SLC26A6: variants seen among roughly 807,000 people sequenced by gnomAD.
SLC26A6 encodes solute carrier family 26 member 6.
SLC26A6 carries 67 observed loss-of-function variants against 87.1 expected under a neutral mutation model. The ratio of observed to expected loss-of-function variants is 0.77; its 90% CI spans 0.63 to 0.94. The LOEUF (loss-of-function observed/expected upper bound fraction) is 0.94. SLC26A6 is among the 40% of genes least tolerant of loss of function. The pLI, the probability that SLC26A6 is intolerant of heterozygous loss-of-function variation, is 0.00. For synonymous variants in SLC26A6, 414 were observed against 405.9 expected, an observed-to-expected ratio of 1.02 and a Z score of -0.24; for missense variants, 902 against 973.0, an observed-to-expected ratio of 0.93 and a Z score of 0.97.
At chr3:48,627,322 C>T in intron 17 of SLC26A6, 1 of 466,888 alleles carries the variant, frequency 2.1e-6, no homozygotes, top group Non-Finnish European at 3.8e-6. Context: ...GAGTCCCTGT[C>T]CCATTCTCAT....
intron 3 of SLC26A6, 56 bp downstream of exon 3, chr3:48,633,195 G>T: frequency 1.3e-6 from 2 of 1,595,910 alleles, no homozygotes; most frequent in South Asian, 1.1e-5. Flanking sequence ...CATGGCCCCA[G>T]TTTTGGGCAT....
Position 48,633,019 on chromosome 3 carries a change from C to G in SLC26A6, c.388G>C (p.Val130Leu), listed in dbSNP as rs188585110. 1.2e-6 allele frequency: 2 copies of G among 1,613,718 alleles called. No homozygotes were observed. Reference protein sequence around the residue: ...VFGLYSSFYPVFIYFLFGTSR... With the variant: ...VFGLYSSFYPLFIYFLFGTSR... ...GTGCCAAACAGGAAGTAGATGAAGA[C>G]AGGGTAGAAGGAGCTATAGAGGCCA... The change falls in exon 4 of 21, where the codon GTC becomes CTC. Residue 130 changes from valine to leucine, a missense_variant. Val to Leu is a conservative substitution (Grantham distance 32). Coordinates refer to ENST00000395550, the MANE Select transcript of SLC26A6 (RefSeq NM_022911.3).
rs780047495 is a variant in SLC26A6, at chr3:48,633,477, T to C, written c.182A>G (p.Gln61Arg). The C allele has an allele frequency of 2.8e-5, 45 of 1,612,874 alleles. No homozygotes were observed. Among genetic ancestry groups the C allele is most frequent in the Non-Finnish European group, 3.8e-5 (45 of 1,179,916 alleles). The change falls in exon 2 of 21, where the codon CAG becomes CGG. Residue 61 changes from glutamine to arginine, a missense_variant and splice_region_variant. Transcript: ENST00000395550. The stretch of plus-strand genomic sequence containing the variant: ...CCCCAGGCCCCAATCTTGGCCTTAC[T>C]GCAACCAGGTCCGCCACTGGTGGGT... The part of the protein sequence containing the change: ...PRTHQWRTWL[Q>R]CSRARAYALL...
intron 1 of SLC26A6, chr3:48,634,614 A>C: frequency 1.6e-6 from 1 of 635,738 alleles, no homozygotes; most frequent in Non-Finnish European, 2.0e-6. Flanking sequence ...TCACAGAAGG[A>C]TCTTACCTGG....
Position 48,626,118 on chromosome 3 carries a change from G to A in SLC26A6, c.2265+100C>T, listed in dbSNP as rs1009156525. ...GAAAGCACTGGGCCCACTGGGGACA[G>A]AGCCATGGCCACCAGGAAAGACTCC... On this transcript the variant is annotated intron_variant, in intron 20 of 20. Coordinates refer to ENST00000395550, the MANE Select transcript of SLC26A6 (RefSeq NM_022911.3). The A allele has an allele frequency of 1.4e-5, 22 of 1,610,738 alleles. No homozygotes were observed. The Admixed American group carries it at 2.2e-4, about 16-fold the overall frequency.
At chr3:48,629,503 C>T in intron 14 of SLC26A6, 139 bp downstream of exon 14, 1 of 891,540 alleles carries the variant, frequency 1.1e-6, no homozygotes, top group South Asian at 1.6e-5. Context: ...GACCTAAACT[C>T]CTCCCTTGAA....
At chr3:48,633,211 AC>A in intron 3 of SLC26A6, 39 bp downstream of exon 3, 1 of 1,602,344 alleles carries the variant, frequency 6.2e-7, no homozygotes, top group Admixed American at 1.7e-5. Context: ...GGCATCACAG[AC>A]CACAGGGTTT....
Position 48,630,593 on chromosome 3 carries a change from C to T in SLC26A6, c.1248+14G>A, listed in dbSNP as rs1298683539. On this transcript the variant is annotated intron_variant, in intron 10 of 20. Coordinates refer to ENST00000395550, the MANE Select transcript of SLC26A6 (RefSeq NM_022911.3). ...ATGTGCATGCCCACACCCATGCCCA[C>T]ACCCAAAGCCCACCTGCGAGTTGCC... 2.6e-6 allele frequency: 4 copies of T among 1,568,142 alleles called. No homozygotes were observed. The highest frequency in any genetic ancestry group is 1.4e-5 in the African/African-American group (1 of 73,800).
intron 2 of SLC26A6, 24 bp from the exon 3 acceptor site, chr3:48,633,414 G>A (rs2046868488): frequency 1.2e-6 from 2 of 1,612,794 alleles, no homozygotes; most frequent in South Asian, 1.1e-5. Context: ...ATGAGGGGTA[G>A]GTGTCAGGAA....
chr3:48,627,885 A>T, intron 17 of SLC26A6, 61 bp downstream of exon 17: 2 of 1,488,394 alleles, frequency 1.3e-6, no homozygotes, highest in Non-Finnish European at 1.8e-6. Context: ...CTCATGAGAC[A>T]TGTGGATCCT....
intron 19 of SLC26A6, 24 bp from the exon 20 acceptor site, chr3:48,626,378 C>A: frequency 6.2e-7 from 1 of 1,613,778 alleles, no homozygotes; most frequent in South Asian, 1.1e-5. Flanking sequence ...GTAGGCCTCC[C>A]CTGACTCTCA....
chr3:48,628,123 G>T lies in SLC26A6; in HGVS notation c.1801-85C>A. ...CACATAGGCCTGGTGATGCCCCCTG[G>T]TGCTGGGCAGGTGGGTGGGCCAGGA... is the stretch of plus-strand genomic sequence containing the variant. On this transcript the variant is annotated intron_variant, in intron 16 of 20. Coordinates refer to ENST00000395550, the MANE Select transcript of SLC26A6 (RefSeq NM_022911.3). This position sits in a 1 kb window ranked among gnomAD's most constrained non-coding sequence, Gnocchi z 4.4. 1 of 1,313,814 alleles carries T rather than the reference G, an allele frequency of 7.6e-7. No individual in the cohort carries two copies. The highest frequency in any genetic ancestry group is 1.0e-6 in the Non-Finnish European group (1 of 955,720). The allele number at this position is 1,313,814 out of a possible 1,614,324, so 81.4% of individuals were successfully genotyped here.
At chr3:48,629,793 G>A in intron 13 of SLC26A6, 79 bp downstream of exon 13, 1 of 1,602,680 alleles carries the variant, frequency 6.2e-7, no homozygotes, top group Non-Finnish European at 8.5e-7. Context: ...GAAGTCCCCA[G>A]AGATGTGGGG....
At position 48,631,476 on chromosome 3, in the gene SLC26A6, T is replaced by G. The variant is rs1198012425; in HGVS notation, c.904-170A>C. ...CACCATTTCGGCTATGGGGAGATGC[T>G]GTCAGGGGCAGGAAGAAACCAACAT... On this transcript the variant is annotated intron_variant, in intron 7 of 20. Coordinates refer to ENST00000395550, the MANE Select transcript of SLC26A6 (RefSeq NM_022911.3). 5.5e-6 allele frequency: 6 copies of G among 1,097,736 alleles called. No individual in the cohort carries two copies. The Admixed American group carries it at 1.1e-4, about 21-fold the overall frequency. The allele number at this position is 1,097,736 out of a possible 1,614,324, so 68.0% of individuals were successfully genotyped here. A position where few individuals can be genotyped will look rare whatever the true frequency, so the allele number is the denominator to read the frequency against.
Position 48,630,464 on chromosome 3 carries a change from C to A in SLC26A6, c.1300G>T (p.Gly434Trp). The change falls in exon 11 of 21, where the codon GGG becomes TGG. Residue 434 changes from glycine (G) to tryptophan (W), a missense_variant. Gly to Trp is a radical substitution (Grantham distance 184). Coordinates refer to ENST00000395550, the MANE Select transcript of SLC26A6 (RefSeq NM_022911.3). ...LFILLIIVKL[G>W]ELFHDLPKAV... ...TTGGGCAGGTCATGGAAGAGTTCCC[C>A]AAGTTTGACAATGATGAGGAGGATG... is the stretch of plus-strand genomic sequence containing the variant. 6.4e-7 allele frequency: 1 copy of A among 1,559,628 alleles called. No individual in the cohort carries two copies. Among genetic ancestry groups the A allele is most frequent in the Admixed American group, 1.9e-5 (1 of 52,136 alleles).
chr3:48,629,585 G>C, intron 14 of SLC26A6, 57 bp downstream of exon 14: 3 of 1,527,618 alleles, frequency 2.0e-6, no homozygotes, highest in Non-Finnish European at 2.7e-6. Flanking sequence ...ATCCACAAAG[G>C]CTCATTCTTC....
At position 48,627,216 on chromosome 3, in the gene SLC26A6, TG is replaced by T. The variant is rs1013510725; in HGVS notation, c.1894-162del. On this transcript the variant is annotated intron_variant, in intron 17 of 20. Coordinates refer to ENST00000395550, the MANE Select transcript of SLC26A6 (RefSeq NM_022911.3). ...TCACATAGGTGTGCAAAGACAGGAA[TG>T]ACAGATGTGTGGGGACATGCAGGAG... The T allele has an allele frequency of 2.0e-5, 17 of 832,572 alleles. No homozygotes were observed. The African/African-American group carries it at 2.6e-4, about 13-fold the overall frequency. The allele number at this position is 832,572 out of a possible 1,614,324, so 51.6% of individuals were successfully genotyped here.
rs1018671320 is a variant in SLC26A6 at position 48,630,920 on chromosome 3, C to T, written c.1134+73G>A. 5.7e-6 allele frequency: 9 copies of T among 1,585,884 alleles called. 1 individual carries two copies. The African/African-American group carries it at 6.7e-5, about 12-fold the overall frequency. ...CATCTGCTGTCTCCCTGTGTCCCAC[C>T]GGTTCCTCCCCCACCCGTTGCTGGC... On this transcript the variant is annotated intron_variant, in intron 9 of 20. Coordinates refer to ENST00000395550, the MANE Select transcript of SLC26A6 (RefSeq NM_022911.3).
In SLC26A6 at chr3:48,628,198, C is replaced by T. The variant is rs2046679088; in HGVS notation, c.1801-160G>A. The stretch of plus-strand genomic sequence containing the variant: ...GCCAGGCTGAAGCTCCTGGAACAGC[C>T]GTGAAAGGGAAGAGGACTGTGACGG... On this transcript the variant is annotated intron_variant, in intron 16 of 20. Coordinates refer to ENST00000395550, the MANE Select transcript of SLC26A6 (RefSeq NM_022911.3). The surrounding 1 kb of genome is among the most constrained non-coding windows in gnomAD (Gnocchi z 4.4). 6 of 784,464 alleles carry T rather than the reference C, an allele frequency of 7.6e-6. No individual in the cohort carries two copies. The highest frequency in any genetic ancestry group is 3.6e-5 in the South Asian group (2 of 55,792). The allele number at this position is 784,464 out of a possible 1,614,324, so 48.6% of individuals were successfully genotyped here.
Sources: gnomAD v4.1 joint callset for allele counts on GRCh38, gnomAD v4.1.1 for gene constraint, Gnocchi (gnomAD v3.1) non-coding constraint, MANE v1.5 for transcripts, NCBI Gene and HGNC (gene_info 2026-07-23, HGNC 2026-07-21) for gene names.